The following DSTYK variants were observed in gnomAD, a reference collection of about 807,000 sequenced individuals.
DSTYK encodes the protein dual serine/threonine and tyrosine protein kinase.
DSTYK carries 34 observed loss-of-function variants against 98.7 expected under a neutral mutation model. That is an observed-to-expected ratio of 0.34 (90% confidence interval 0.26 to 0.46). The LOEUF is 0.46. Ranked by LOEUF, DSTYK falls within the 20% of genes least tolerant of loss-of-function variation. The pLI, the probability that DSTYK is intolerant of heterozygous loss-of-function variation, is 1.00. For synonymous variants in DSTYK, 462 were observed against 457.3 expected (o/e 1.01, Z -0.13); for missense variants, 962 against 1,181.7 (o/e 0.81, Z 2.73).
chr1:205,204,301 G>A (rs544005842), intron 1 of DSTYK, among the ~76,000 whole-genome samples: 11 of 152,114 alleles, frequency 7.2e-5, no homozygotes, highest in African/African-American at 1.2e-4. Flanking sequence ...AAGAACAAAG[G>A]AAGAGCCGCA....
In DSTYK at chr1:205,163,922, C is replaced by G; in HGVS notation, c.1358G>C (p.Gly453Ala). 1 of 1,614,056 alleles carries G rather than the reference C, an allele frequency of 6.2e-7. No individual in the cohort carries two copies. The highest frequency in any genetic ancestry group is 8.5e-7 in the Non-Finnish European group (1 of 1,180,012). The change falls in exon 4 of 13, where the codon GGC becomes GCC. Residue 453 changes from glycine to alanine, a missense_variant. Physicochemically the swap from Gly to Ala is moderately conservative, Grantham distance 60. Transcript: ENST00000367162. The stretch of plus-strand genomic sequence containing the variant: ...GATGCAGCATTTGATCTCTCTGGTG[C>G]CTACTGGTTCTCCATTCTCAGGGAC... ...VIVPENGEPVGTREIKCCIRQ... is the reference protein window; with the variant it reads ...VIVPENGEPVATREIKCCIRQ...
At chr1:205,202,777 T>C in intron 1 of DSTYK, 2 of 619,342 alleles carry the variant, frequency 3.2e-6, no homozygotes, top group Non-Finnish European at 5.7e-6. Flanking sequence ...TTAAATATTT[T>C]TTTAAAAAAA....
At chr1:205,196,758 ATTTTTTTT>A (rs113524415) in intron 1 of DSTYK, among the ~76,000 whole-genome samples, 3 of 109,866 alleles carry the variant, frequency 2.7e-5, no homozygotes, top group African/African-American at 7.3e-5. Context: ...AAAATGGTGA[ATTTTTTTT>A]TTTTTTTTTT....
At chr1:205,157,761 C>A (rs1342187689) in intron 9 of DSTYK, among the ~76,000 whole-genome samples, 2,164 of 106,748 alleles carry the variant, frequency 0.02, no homozygotes, top group African/African-American at 0.035. Flanking sequence ...GACTCTGTCT[C>A]AAAAAAAAAA....
intron 9 of DSTYK, among the ~76,000 whole-genome samples, chr1:205,159,309 A>C (rs998763963): frequency 3.9e-5 from 6 of 152,184 alleles, no homozygotes; most frequent in African/African-American, 2.4e-5. Context: ...GACTCGTCTC[A>C]AACTCCTGGA....
At position 205,169,967 on chromosome 1, in the gene DSTYK, A is replaced by AC; in HGVS notation, c.655-136dup. 1.3e-6 allele frequency: 1 copy of AC among 783,598 alleles called. No homozygotes were observed. The allele number at this position is 783,598 out of a possible 1,614,324, so 48.5% of individuals were successfully genotyped here. ...ACTTCGGTACCCCAGCCATTGATCC[A>AC]CCTCCTTCCTCGGTTACCAACACTC... On this transcript the variant is annotated intron_variant, in intron 2 of 12. Coordinates refer to ENST00000367162, the MANE Select transcript of DSTYK (RefSeq NM_015375.3). The surrounding 1 kb of genome is among the most constrained non-coding windows in gnomAD (Gnocchi z 4.0).
intron 10 of DSTYK, among the ~76,000 whole-genome samples, chr1:205,154,588 CAGTGTG>C (rs1657503053): frequency 2.6e-5 from 4 of 152,248 alleles, no homozygotes; most frequent in African/African-American, 9.6e-5. Context: ...TCTTTATTAG[CAGTGTG>C]AGAATGGACT....
chr1:205,181,318 T>C (rs895801704), intron 2 of DSTYK, among the ~76,000 whole-genome samples: 3 of 152,174 alleles, frequency 2.0e-5, no homozygotes, highest in Non-Finnish European at 2.9e-5. Context: ...AGAGACAATA[T>C]GGTATCTAAC....
At chr1:205,165,163 G>A (rs762230814) in intron 3 of DSTYK, among the ~76,000 whole-genome samples, 4 of 151,914 alleles carry the variant, frequency 2.6e-5, no homozygotes, top group Non-Finnish European at 5.9e-5. Context: ...GCACGATCTC[G>A]GCTCACTGCA....
chr1:205,176,476 T>TAAAA lies in DSTYK; in HGVS notation c.655-6648_655-6645dup, dbSNP rs61291677. 3.7e-3 allele frequency among the ~76,000 whole-genome samples: 161 copies of TAAAA among 43,172 alleles called. 7 individuals are homozygous for TAAAA. The highest frequency in any genetic ancestry group is 4.9e-3 in the South Asian group (3 of 610). The allele number at this position is 43,172 out of a possible 152,430, so 28.3% of individuals were successfully genotyped here. ...GGGCAACAAGAGTGAAACTCCCTCT[T>TAAAA]AAAAAAAAAAAAAAAAAAAAAAAAA... On this transcript the variant is annotated intron_variant, in intron 2 of 12. Coordinates refer to ENST00000367162, the MANE Select transcript of DSTYK (RefSeq NM_015375.3).
intron 1 of DSTYK, among the ~76,000 whole-genome samples, chr1:205,193,102 T>C (rs1269744113): frequency 6.6e-6 from 1 of 152,160 alleles, no homozygotes; most frequent in African/African-American, 2.4e-5. Flanking sequence ...CACTGGCTGG[T>C]ACACACTTTC....
At chr1:205,208,234 CA>C (rs1428035881) in intron 1 of DSTYK, among the ~76,000 whole-genome samples, 4 of 152,134 alleles carry the variant, frequency 2.6e-5, no homozygotes, top group Admixed American at 2.6e-4. Flanking sequence ...ACACTGACCC[CA>C]GTGAATTCAG....
chr1:205,153,501 A>G (rs1657461105), intron 10 of DSTYK, among the ~76,000 whole-genome samples: 1 of 152,226 alleles, frequency 6.6e-6, no homozygotes, highest in Admixed American at 6.5e-5. Flanking sequence ...TGGATCCTGT[A>G]TCAAACAAAC....
At chr1:205,208,896 T>C (rs1659282976) in intron 1 of DSTYK, among the ~76,000 whole-genome samples, 1 of 152,160 alleles carries the variant, frequency 6.6e-6, no homozygotes, top group Admixed American at 6.5e-5. Flanking sequence ...CTTCACTAAC[T>C]TTCCTTGGTG....
intron 2 of DSTYK, among the ~76,000 whole-genome samples, chr1:205,176,535 A>G (rs1325762076): frequency 6.8e-6 from 1 of 147,450 alleles, no homozygotes; most frequent in Non-Finnish European, 1.5e-5. Flanking sequence ...GGAGCTTGCT[A>G]CTCTACAAAC....
intron 9 of DSTYK, among the ~76,000 whole-genome samples, chr1:205,159,261 T>C (rs1455926089): frequency 6.6e-6 from 1 of 152,084 alleles, no homozygotes; most frequent in African/African-American, 2.4e-5. Context: ...AGCTAACTTT[T>C]AATTTTTTAT....
intron 1 of DSTYK, among the ~76,000 whole-genome samples, chr1:205,200,040 A>G (rs1658980569): frequency 6.6e-6 from 1 of 151,872 alleles, no homozygotes; most frequent in Non-Finnish European, 1.5e-5. Flanking sequence ...TTCAACTCTT[A>G]TTCTTTTTTT....
chr1:205,186,742 T>C (rs79865062), intron 2 of DSTYK, among the ~76,000 whole-genome samples: 2 of 152,360 alleles, frequency 1.3e-5, no homozygotes, highest in South Asian at 2.1e-4. Flanking sequence ...TAAGTGATAA[T>C]GTATAAAGTC....
intron 1 of DSTYK, chr1:205,202,314 C>T (rs1247743184): frequency 2.4e-5 from 16 of 679,872 alleles, no homozygotes; most frequent in African/African-American, 1.1e-4. Flanking sequence ...TATGCATATA[C>T]GAAAAGCCAC....
Sources: allele counts gnomAD v4.1 joint callset (sites outside exome capture counted in the v4.1 genomes callset), GRCh38; gene constraint gnomAD v4.1.1; non-coding constraint Gnocchi (gnomAD v3.1); transcripts MANE v1.5; gene names NCBI Gene and HGNC (gene_info 2026-07-23, HGNC 2026-07-21).